ANK3: variants seen among roughly 807,000 people sequenced by gnomAD.
ANK3 encodes the protein ankyrin-3.
ANK3 carries 57 observed loss-of-function variants against 370.9 expected under a neutral mutation model. The ratio of observed to expected loss-of-function variants is 0.15; its 90% confidence interval spans 0.12 to 0.19. The LOEUF is 0.19. Among genes scored for constraint, ANK3 ranks in the 10% least tolerant of loss-of-function variants. The probability of loss-of-function intolerance (pLI) is 1.00; values close to 1 mark genes in which losing one functional copy is unlikely to be tolerated. For missense variants in ANK3, 4,439 were observed against 5,302.1 expected (o/e 0.84, Z 5.06); for synonymous variants, 1,929 against 1,946.3 (o/e 0.99, Z 0.23).
chr10:60,225,115 G>T (rs2097119382), intron 8 of ANK3, among the ~76,000 whole-genome samples: 1 of 151,884 alleles, frequency 6.6e-6, no homozygotes, highest in African/African-American at 2.4e-5. Context: ...GTTTCACCAA[G>T]TTGGCCAGGC....
At chr10:60,554,268 A>AT (rs1268708461) in intron 2 of ANK3, among the ~76,000 whole-genome samples, 1 of 152,090 alleles carries the variant, frequency 6.6e-6, no homozygotes, top group Non-Finnish European at 1.5e-5. Context: ...TCTAAGTAAA[A>AT]TTCAAAAGTA....
At chr10:60,336,217 C>T (rs983807432) in intron 1 of ANK3, among the ~76,000 whole-genome samples, 4 of 151,982 alleles carry the variant, frequency 2.6e-5, no homozygotes, top group Admixed American at 2.6e-4. Flanking sequence ...ATTGGAGGTC[C>T]TGGGGGCAAC....
intron 1 of ANK3, among the ~76,000 whole-genome samples, chr10:60,363,567 T>C (rs1221605947): frequency 2.6e-5 from 4 of 152,168 alleles, no homozygotes; most frequent in Non-Finnish European, 5.9e-5. Flanking sequence ...CCTTTCTAGG[T>C]TGGGGCGCGT....
At position 60,246,286 on chromosome 10, in the gene ANK3, A is replaced by AAAAAAAG. The variant is rs1565961708; in HGVS notation, c.799-11501_799-11500insCTTTTTT. Among the ~76,000 whole-genome samples the AAAAAAAG allele has an allele frequency of 8.9e-5, 11 of 123,536 alleles. 1 individual carries two copies. Among genetic ancestry groups the AAAAAAAG allele is most frequent in the Admixed American group, 9.8e-5 (1 of 10,174 alleles). The allele number at this position is 123,536 out of a possible 152,430, so 81.0% of individuals were successfully genotyped here. ...AAAAAAAAAAAAAAAAAAAAAGAAA[A>AAAAAAAG]AAGAAAAAAAGATGATCACCATTGT... On this transcript the variant is annotated intron_variant, in intron 7 of 43. Coordinates refer to ENST00000280772, the MANE Select transcript of ANK3 (RefSeq NM_020987.5).
chr10:60,565,266 G>C (rs1053461616), intron 2 of ANK3, among the ~76,000 whole-genome samples: 7 of 152,192 alleles, frequency 4.6e-5, no homozygotes, highest in Admixed American at 2.0e-4. Context: ...TCAGGCATTA[G>C]ATTCTCATAA....
At chr10:60,092,371 T>C (rs1394875970) in intron 28 of ANK3, among the ~76,000 whole-genome samples, 1 of 152,178 alleles carries the variant, frequency 6.6e-6, no homozygotes, top group Non-Finnish European at 1.5e-5. Flanking sequence ...TATGGCTTAT[T>C]TCAAATAGAA....
chr10:60,330,753 A>G (rs1309387816), intron 1 of ANK3, among the ~76,000 whole-genome samples: 1 of 152,208 alleles, frequency 6.6e-6, no homozygotes, highest in African/African-American at 2.4e-5. Context: ...TGACCCAGCA[A>G]TCTTATCACT....
At chr10:60,111,440 G>A (rs2092700877) in intron 26 of ANK3, among the ~76,000 whole-genome samples, 1 of 152,140 alleles carries the variant, frequency 6.6e-6, no homozygotes, top group Non-Finnish European at 1.5e-5. Flanking sequence ...ATAAAATATA[G>A]TGATTTGTTT....
intron 1 of ANK3, among the ~76,000 whole-genome samples, chr10:60,706,066 A>T (rs1317361644): frequency 6.6e-6 from 1 of 151,978 alleles, no homozygotes; most frequent in Non-Finnish European, 1.5e-5. Flanking sequence ...TCAAGCAATC[A>T]GCTCGCCTTG....
chr10:60,614,113 G>A (rs1483117281), intron 2 of ANK3, among the ~76,000 whole-genome samples: 2 of 151,958 alleles, frequency 1.3e-5, no homozygotes, highest in Non-Finnish European at 2.9e-5. Flanking sequence ...ATTGTGTAGC[G>A]AATATGTTAC....
intron 2 of ANK3, among the ~76,000 whole-genome samples, chr10:60,434,588 TG>T (rs2064111596): frequency 6.6e-6 from 1 of 152,246 alleles, no homozygotes; most frequent in Non-Finnish European, 1.5e-5. Context: ...TCATCTTGAA[TG>T]GAATTGTTAA....
At chr10:60,304,866 C>T (rs1298514261) in intron 1 of ANK3, among the ~76,000 whole-genome samples, 5 of 152,136 alleles carry the variant, frequency 3.3e-5, no homozygotes. Flanking sequence ...TCACCATGCA[C>T]AGGGTAGGCA....
intron 26 of ANK3, among the ~76,000 whole-genome samples, chr10:60,109,995 G>T (rs188434814): frequency 9.9e-5 from 15 of 152,072 alleles, no homozygotes; most frequent in Non-Finnish European, 1.6e-4. Context: ...GTCAGACAGG[G>T]GAACACAAAT....
chr10:60,386,612 G>T (rs2062369115), intron 1 of ANK3, among the ~76,000 whole-genome samples: 1 of 149,438 alleles, frequency 6.7e-6, no homozygotes. Context: ...ATAATTCATT[G>T]AGTTTTTAAA....
intron 2 of ANK3, among the ~76,000 whole-genome samples, chr10:60,433,980 T>C (rs898562810): frequency 6.6e-6 from 1 of 152,228 alleles, no homozygotes; most frequent in African/African-American, 2.4e-5. Context: ...ACAGATTTTG[T>C]AGAAATTCAC....
intron 1 of ANK3, among the ~76,000 whole-genome samples, chr10:60,680,705 C>G (rs2079183970): frequency 6.6e-6 from 1 of 152,178 alleles, no homozygotes; most frequent in Admixed American, 6.5e-5. Context: ...TCAAACTCAG[C>G]ATGACCAAAA....
chr10:60,142,613 G>A (rs911478432), intron 23 of ANK3, among the ~76,000 whole-genome samples: 1 of 151,722 alleles, frequency 6.6e-6, no homozygotes, highest in Non-Finnish European at 1.5e-5. Context: ...TTCAATGAAA[G>A]TAAGTTTCCA....
In ANK3 at chr10:60,075,575, G is replaced by A. The variant is rs745734310; in HGVS notation, c.5306C>T (p.Thr1769Ile). The A allele has an allele frequency of 4.6e-5, 75 of 1,614,086 alleles. 1 individual carries two copies. The Middle Eastern group carries it at 8.3e-4, about 18-fold the overall frequency. ...TGGGGAAAATGGCATTGCAGTCGTG[G>A]TAGAAAACACTTTCTCAACTGTGTC... The part of the protein sequence containing the change: ...ATDTVEKVFS[T>I]TTAMPFSPLR... Residue 1769 changes from threonine to isoleucine, a missense_variant, in exon 37 of 44, where the codon ACC becomes ATC. Around this residue, in one of 13 missense-constraint regions of ANK3, gnomAD observed 679 missense variants for 791.0 expected, o/e 0.86. Transcript: ENST00000280772.
At chr10:60,163,591 A>C (rs955861754) in intron 23 of ANK3, among the ~76,000 whole-genome samples, 1 of 152,192 alleles carries the variant, frequency 6.6e-6, no homozygotes, top group African/African-American at 2.4e-5. Flanking sequence ...AAGAAAGAGA[A>C]GACGATAAGG....
Sources: gnomAD v4.1 joint callset for allele counts (sites outside exome capture counted in the v4.1 genomes callset) on GRCh38, gnomAD v4.1.1 for gene constraint, gnomAD v4.1.1 regional missense constraint, MANE v1.5 for transcripts, NCBI Gene and HGNC (gene_info 2026-07-23, HGNC 2026-07-21) for gene names.